APBB1IP: variants seen among roughly 807,000 people sequenced by gnomAD.
The protein encoded by APBB1IP is amyloid beta precursor protein binding family B member 1 interacting protein, also known as amyloid beta A4 precursor protein-binding family B member 1-interacting protein.
In APBB1IP, 27 loss-of-function variants were observed where a neutral mutation model predicts 64.9. The observed-to-expected ratio is 0.42, with a 90% confidence interval of 0.31 to 0.57. The LOEUF is 0.57. Among genes scored for constraint, APBB1IP ranks in the 20% least tolerant of loss-of-function variants. APBB1IP has a pLI of 0.20. For synonymous variants in APBB1IP, 392 were observed against 331.0 expected (o/e 1.18, Z -2.00); for missense variants, 812 against 845.5 (o/e 0.96, Z 0.49).
At chr10:26,454,712 A>G (rs114846732) in intron 2 of APBB1IP, among the ~76,000 whole-genome samples, 5,690 of 152,212 alleles carry the variant, frequency 0.037, 326 homozygotes, top group African/African-American at 0.12. Flanking sequence ...AAATAACTCA[A>G]AGAATATAAT....
At chr10:26,486,459 T>G (rs1251327499) in intron 2 of APBB1IP, among the ~76,000 whole-genome samples, 1 of 152,108 alleles carries the variant, frequency 6.6e-6, no homozygotes, top group African/African-American at 2.4e-5. Context: ...GACTGATATG[T>G]GACTAATGGC....
chr10:26,496,320 C>T lies in APBB1IP; in HGVS notation c.89C>T (p.Thr30Ile). The T allele has an allele frequency of 6.2e-7, 1 of 1,612,386 alleles. No homozygotes were observed. The highest frequency in any genetic ancestry group is 1.1e-5 in the South Asian group (1 of 91,002). The change falls in exon 4 of 15, where the codon ACT (threonine) becomes ATT (isoleucine). Residue 30 changes from threonine to isoleucine, a missense_variant. Physicochemically the swap from Thr to Ile is moderately conservative, Grantham distance 89. Around this residue, in one of 3 missense-constraint regions of APBB1IP, gnomAD observed 394 missense variants for 413.1 expected, o/e 0.95. Transcript: ENST00000376236. The stretch of plus-strand genomic sequence containing the variant: ...TTTTCACAGAGTTTAGGAGTTGACA[C>T]TCTCCCTCCTCCTGACCCTAATCCA... ...DLLTQSLGVD[T>I]LPPPDPNPPR...
At chr10:26,443,705 A>T (rs1471167626) in intron 2 of APBB1IP, among the ~76,000 whole-genome samples, 3 of 57,500 alleles carry the variant, frequency 5.2e-5, no homozygotes, top group Non-Finnish European at 9.9e-5. Context: ...CAGCTAATTA[A>T]AAAAAAAATT....
rs1248872950 is a variant in APBB1IP at position 26,559,985 on chromosome 10, T to C, written c.1156-120T>C. ...TTCCTAATCTTAACATTACAACCAG[T>C]AATTTTTGCCACATAAATCACATAT... On this transcript the variant is annotated intron_variant, in intron 11 of 14. Coordinates refer to ENST00000376236, the MANE Select transcript of APBB1IP (RefSeq NM_019043.4). 1.8e-5 allele frequency: 14 copies of C among 773,012 alleles called. No individual in the cohort carries two copies. In the East Asian group the frequency reaches 3.0e-4, roughly 16 times the overall value. 47.9% of individuals were successfully genotyped at this position (773,012 alleles called of 1,614,324 possible).
At chr10:26,448,115 T>A (rs1835421525) in intron 2 of APBB1IP, among the ~76,000 whole-genome samples, 1 of 150,066 alleles carries the variant, frequency 6.7e-6, no homozygotes, top group Admixed American at 6.7e-5. Context: ...AAAAATCAAG[T>A]GACATAAATT....
Position 26,460,463 on chromosome 10 carries a change from C to T in APBB1IP, c.-1+21610C>T, listed in dbSNP as rs183549318. 1.9e-4 allele frequency among the ~76,000 whole-genome samples: 28 copies of T among 150,990 alleles called. No homozygotes were observed. The East Asian group carries it at 5.0e-3, about 27-fold the overall frequency. The stretch of plus-strand genomic sequence containing the variant: ...CTCTTTCCCCTTTTTTATGAGCTGC[C>T]CTCACAGTAGGATGTTATATTTTTG... On this transcript the variant is annotated intron_variant, in intron 2 of 14. Transcript: ENST00000376236.
intron 8 of APBB1IP, among the ~76,000 whole-genome samples, chr10:26,519,042 A>T (rs1471395881): frequency 2.0e-5 from 3 of 148,882 alleles, no homozygotes; most frequent in Admixed American, 6.9e-5. Context: ...TGGGAGGCTG[A>T]GGCGGGTGGA....
chr10:26,474,874 C>T lies in APBB1IP; in HGVS notation c.1-17453C>T, dbSNP rs138445105. Among the ~76,000 whole-genome samples the T allele has an allele frequency of 1.7e-3, 254 of 152,336 alleles. 1 individual carries two copies. The highest frequency in any genetic ancestry group is 5.8e-3 in the African/African-American group (242 of 41,570). ...AGATCCAGGCATCTGTTTGCATCTC[C>T]TTTTTAACCAAGCTAAAGGTAGGTC... On this transcript the variant is annotated intron_variant, in intron 2 of 14. Coordinates refer to ENST00000376236, the MANE Select transcript of APBB1IP (RefSeq NM_019043.4).
intron 4 of APBB1IP, among the ~76,000 whole-genome samples, chr10:26,500,223 A>G (rs959088805): frequency 7.1e-4 from 108 of 151,886 alleles, no homozygotes; most frequent in East Asian, 7.7e-4. Flanking sequence ...AAAAAAAAAA[A>G]AAAGAAAGAA....
intron 2 of APBB1IP, among the ~76,000 whole-genome samples, chr10:26,487,090 C>T (rs371771751): frequency 2.0e-5 from 3 of 150,668 alleles, no homozygotes; most frequent in East Asian, 1.9e-4. Context: ...CACCCAGTCA[C>T]GATGTGAGCA....
rs535769186 is a variant in APBB1IP, at chr10:26,564,926, C to T, written c.1474-2035C>T. On this transcript the variant is annotated intron_variant, in intron 14 of 14. Transcript: ENST00000376236. ...CACTGCCTTCCCTGAAGCTGTGAGG[C>T]CAGCTGGAGCCAAGCTTGTAATCGG... Among the ~76,000 whole-genome samples, 4 of 152,338 alleles carry T rather than the reference C, an allele frequency of 2.6e-5. No homozygotes were observed. In the South Asian group the frequency reaches 6.2e-4, roughly 24 times the overall value.
chr10:26,516,272 A>G (rs1836325379), intron 8 of APBB1IP, among the ~76,000 whole-genome samples: 1 of 151,958 alleles, frequency 6.6e-6, no homozygotes, highest in South Asian at 2.1e-4. Flanking sequence ...TTTAAAGGGG[A>G]TGCCAGGCAC....
In APBB1IP at chr10:26,567,555, G is replaced by A; in HGVS notation, c.*67G>A. Reference sequence around the variant, plus strand: ...ACCCCGAGCGCAGGTTTTGCTAGCAGATTGCCCTGACATCTTGTTCATTTC... The same window carrying A: ...ACCCCGAGCGCAGGTTTTGCTAGCAAATTGCCCTGACATCTTGTTCATTTC... On this transcript the variant is annotated 3_prime_UTR_variant, in exon 15 of 15. Transcript: ENST00000376236. 4 of 1,495,594 alleles carry A rather than the reference G, an allele frequency of 2.7e-6. No homozygotes were observed. The highest frequency in any genetic ancestry group is 3.6e-6 in the Non-Finnish European group (4 of 1,104,728). The allele number at this position is 1,495,594 out of a possible 1,614,324, so 92.6% of individuals were successfully genotyped here. A position where few individuals can be genotyped will look rare whatever the true frequency, so the allele number is the denominator to read the frequency against.
At chr10:26,450,483 A>G (rs1199152375) in intron 2 of APBB1IP, among the ~76,000 whole-genome samples, 1 of 152,206 alleles carries the variant, frequency 6.6e-6, no homozygotes. Context: ...ATTAAACACA[A>G]TTTCACAGCC....
chr10:26,480,764 A>G (rs1369534466), intron 2 of APBB1IP, among the ~76,000 whole-genome samples: 1 of 150,950 alleles, frequency 6.6e-6, no homozygotes, highest in Non-Finnish European at 1.5e-5. Flanking sequence ...ACCATACACC[A>G]CAGATTGTTG....
intron 2 of APBB1IP, among the ~76,000 whole-genome samples, chr10:26,457,430 G>A (rs1564350034): frequency 6.6e-6 from 1 of 152,180 alleles, no homozygotes; most frequent in African/African-American, 2.4e-5. Flanking sequence ...ATCAGCCACT[G>A]TGCCTGGCCT....
At chr10:26,530,593 G>C (rs1208150666) in intron 8 of APBB1IP, among the ~76,000 whole-genome samples, 3 of 151,952 alleles carry the variant, frequency 2.0e-5, no homozygotes, top group African/African-American at 7.3e-5. Flanking sequence ...GGGAGGCTGA[G>C]GCAGGAGAAT....
chr10:26,516,223 C>T (rs1302787078), intron 8 of APBB1IP, among the ~76,000 whole-genome samples: 1 of 152,002 alleles, frequency 6.6e-6, no homozygotes, highest in Non-Finnish European at 1.5e-5. Flanking sequence ...AGTCTGTGGT[C>T]TGTGCCCTTC....
chr10:26,464,577 C>A (rs779905931), intron 2 of APBB1IP, among the ~76,000 whole-genome samples: 1 of 152,006 alleles, frequency 6.6e-6, no homozygotes, highest in East Asian at 1.9e-4. Flanking sequence ...ATTATTATTA[C>A]TTGTATGTGT....
Sources: allele counts gnomAD v4.1 joint callset (sites outside exome capture counted in the v4.1 genomes callset), GRCh38; gene constraint gnomAD v4.1.1; regional missense constraint gnomAD v4.1.1; transcripts MANE v1.5; gene names NCBI Gene and HGNC (gene_info 2026-07-23, HGNC 2026-07-21).